The following ZSCAN5A variants were observed in gnomAD, a reference collection of about 807,000 sequenced individuals.
ZSCAN5A encodes zinc finger and SCAN domain containing 5A, also known as zinc finger and SCAN domain-containing protein 5A.
In ZSCAN5A, 12 loss-of-function variants were observed where a neutral mutation model predicts 23.7. The observed-to-expected ratio is 0.51, with a 90% confidence interval of 0.32 to 0.82. The LOEUF is 0.82. Among genes scored for constraint, ZSCAN5A ranks in the 40% least tolerant of loss-of-function variants. The pLI, the probability that ZSCAN5A is intolerant of heterozygous loss-of-function variation, is 0.03. For synonymous variants in ZSCAN5A, 257 were observed against 239.9 expected (o/e 1.07, Z -0.66); for missense variants, 597 against 617.9 (o/e 0.97, Z 0.36).
chr19:56,259,486 G>A (rs1046950408), intron 2 of ZSCAN5A, among the ~76,000 whole-genome samples: 1 of 152,114 alleles, frequency 6.6e-6, no homozygotes, highest in African/African-American at 2.4e-5. Context: ...CATGCCTCTC[G>A]TTTACCCGTT....
intron 2 of ZSCAN5A, among the ~76,000 whole-genome samples, chr19:56,236,533 T>C (rs371824367): frequency 7.0e-3 from 81 of 11,508 alleles, no homozygotes; most frequent in Admixed American, 0.013. Flanking sequence ...CTCTGATGGA[T>C]GGTGGGCCAA....
At chr19:56,233,350 G>GT (rs1459136854) in intron 2 of ZSCAN5A, among the ~76,000 whole-genome samples, 1 of 152,022 alleles carries the variant, frequency 6.6e-6, no homozygotes, top group African/African-American at 2.4e-5. Context: ...CGGTGTCCAC[G>GT]TTTTGTCTTT....
rs536737474 is a variant in ZSCAN5A at position 56,226,676 on chromosome 19, T to TC, written c.-127-1504dup. Among the ~76,000 whole-genome samples, 63 of 152,036 alleles carry TC rather than the reference T, an allele frequency of 4.1e-4. 1 individual carries two copies. The highest frequency in any genetic ancestry group is 3.6e-3 in the Admixed American group (55 of 15,272). ...TAGAAGCTCCTCAGAAAATTGAAAG[T>TC]CCAACAACTGCATGATCCGGCAATC... On this transcript the variant is annotated intron_variant, in intron 2 of 5. Coordinates refer to ENST00000683990, the MANE Select transcript of ZSCAN5A (RefSeq NM_001322064.3).
chr19:56,343,068 G>A, intron 2 of ZSCAN5A: 1 of 808,970 alleles, frequency 1.2e-6, no homozygotes, highest in African/African-American at 1.7e-5. Flanking sequence ...GCTTGTTCCA[G>A]CAAGACCTCA....
chr19:56,240,706 G>A (rs2035366326), intron 2 of ZSCAN5A, among the ~76,000 whole-genome samples: 1 of 152,176 alleles, frequency 6.6e-6, no homozygotes. Context: ...AAACCCTTAT[G>A]TAAACTAGGA....
At chr19:56,311,797 A>G (rs918122923) in intron 2 of ZSCAN5A, 2 of 152,130 alleles carry the variant, frequency 1.3e-5, no homozygotes, top group Non-Finnish European at 2.9e-5. Context: ...AGCAGGCATT[A>G]GCTATTTTTC....
intron 2 of ZSCAN5A, among the ~76,000 whole-genome samples, chr19:56,288,833 C>T (rs17273365): frequency 0.44 from 66,901 of 152,070 alleles, 15,609 homozygotes; most frequent in Non-Finnish European, 0.52. Flanking sequence ...TCTACTCTGC[C>T]CCTCCGTTGC....
intron 2 of ZSCAN5A, among the ~76,000 whole-genome samples, chr19:56,272,283 G>A (rs977619273): frequency 4.6e-4 from 70 of 152,240 alleles, no homozygotes; most frequent in African/African-American, 1.6e-3. Context: ...GTCCACAAAC[G>A]TTTTCTATAA....
At chr19:56,247,982 A>G (rs958206528) in intron 2 of ZSCAN5A, among the ~76,000 whole-genome samples, 10 of 152,264 alleles carry the variant, frequency 6.6e-5, no homozygotes, top group Non-Finnish European at 1.0e-4. Flanking sequence ...GAGCCACCGC[A>G]CCTGGCCTGT....
intron 2 of ZSCAN5A, among the ~76,000 whole-genome samples, chr19:56,358,514 A>C (rs1391437951): frequency 8.0e-6 from 1 of 124,686 alleles, no homozygotes; most frequent in Non-Finnish European, 1.7e-5. Context: ...TATTAGACAG[A>C]TCATCGAGAA....
At chr19:56,256,242 G>C (rs1412669565) in intron 2 of ZSCAN5A, among the ~76,000 whole-genome samples, 1 of 152,172 alleles carries the variant, frequency 6.6e-6, no homozygotes, top group Non-Finnish European at 1.5e-5. Context: ...GCCCAGGCTG[G>C]AGTGCAGTGG....
chr19:56,286,998 T>C (rs2039175013), intron 2 of ZSCAN5A, among the ~76,000 whole-genome samples: 1 of 152,256 alleles, frequency 6.6e-6, no homozygotes, highest in African/African-American at 2.4e-5. Flanking sequence ...GGTTGTGAGA[T>C]TATGATAAAA....
chr19:56,319,143 C>A (rs1229060736), upstream of ZSCAN5A, among the ~76,000 whole-genome samples: 1 of 152,064 alleles, frequency 6.6e-6, no homozygotes, highest in East Asian at 1.9e-4. Context: ...CAAAGAAGCT[C>A]ATTCCCCCCT....
Position 56,339,799 on chromosome 19 carries a change from T to C in ZSCAN5A, c.-358+23436A>G, listed in dbSNP as rs34259704. On this transcript the variant is annotated intron_variant, in intron 2 of 6. Transcript: ENST00000587340. ...GGTTGTAGCCGCATTTAGCAATATG[T>C]GAAGGAGCGGTTGTAGCCGCATTTA... 1.1e-4 allele frequency among the ~76,000 whole-genome samples: 13 copies of C among 115,814 alleles called. 1 individual carries two copies. Among genetic ancestry groups the C allele is most frequent in the African/African-American group, 5.0e-4 (13 of 26,238 alleles). 76.0% of individuals were successfully genotyped at this position (115,814 alleles called of 152,430 possible).
chr19:56,343,538 C>T (rs1027338823), intron 2 of ZSCAN5A: 10 of 373,872 alleles, frequency 2.7e-5, no homozygotes, highest in African/African-American at 4.2e-5. Flanking sequence ...TTTTCATTGA[C>T]GGCTCACAAC....
At chr19:56,274,462 A>G (rs2038098280) in intron 2 of ZSCAN5A, 1 of 87,474 alleles carries the variant, frequency 1.1e-5, no homozygotes. Context: ...TCAAAAAGAA[A>G]AAAAGAAAAA....
chr19:56,325,544 T>C (rs1199358880), intron 2 of ZSCAN5A, among the ~76,000 whole-genome samples: 3 of 152,210 alleles, frequency 2.0e-5, no homozygotes, highest in African/African-American at 7.2e-5. Context: ...CATGACCTTT[T>C]ATCCCTGCCT....
chr19:56,367,382 A>T (rs2041776900), intron 1 of ZSCAN5A: 2 of 152,190 alleles, frequency 1.3e-5, no homozygotes, highest in South Asian at 2.1e-4. Flanking sequence ...AAAAAAAATT[A>T]AAATTAAAAT....
chr19:56,310,643 T>C lies in ZSCAN5A; in HGVS notation c.-128+2640A>G, dbSNP rs560265586. Among the ~76,000 whole-genome samples, 8 of 152,358 alleles carry C rather than the reference T, an allele frequency of 5.3e-5. No individual in the cohort carries two copies. The East Asian group carries it at 1.5e-3, about 29-fold the overall frequency. ...CTGAGATTTGACCCAGTTGGACTCATTCCAAAGTCCGTATTCTTTTGTGTA... is the reference window on the plus strand; with the variant it reads ...CTGAGATTTGACCCAGTTGGACTCACTCCAAAGTCCGTATTCTTTTGTGTA... On this transcript the variant is annotated intron_variant, in intron 2 of 5. Coordinates refer to ENST00000683990, the MANE Select transcript of ZSCAN5A (RefSeq NM_001322064.3).
Sources: allele counts gnomAD v4.1 joint callset (sites outside exome capture counted in the v4.1 genomes callset), GRCh38; gene constraint gnomAD v4.1.1; transcripts MANE v1.5; gene names NCBI Gene and HGNC (gene_info 2026-07-23, HGNC 2026-07-21).